CCDC178: variants seen among roughly 807,000 people sequenced by gnomAD.
CCDC178 encodes the protein coiled-coil domain containing 178.
Under a neutral mutation model 117.4 loss-of-function variants are expected in CCDC178, and 126 were observed. That is an observed-to-expected ratio of 1.07 (90% CI 0.93 to 1.24). CCDC178 has a LOEUF of 1.24. CCDC178 is among the 50% of genes most tolerant of loss of function. CCDC178 has a pLI of 0.00. For synonymous variants in CCDC178, 283 were observed against 313.4 expected (o/e 0.90, Z 1.02); for missense variants, 1,030 against 986.9 (o/e 1.04, Z -0.59).
chr18:33,296,572 T>G (rs534106161), intron 11 of CCDC178, among the ~76,000 whole-genome samples: 1 of 152,256 alleles, frequency 6.6e-6, no homozygotes, highest in African/African-American at 2.4e-5. Flanking sequence ...GAGTCTATAA[T>G]TATTTATGAA....
intron 22 of CCDC178, among the ~76,000 whole-genome samples, chr18:32,965,880 G>C (rs1290767819): frequency 1.3e-5 from 2 of 149,084 alleles, no homozygotes; most frequent in Middle Eastern, 3.5e-3. Flanking sequence ...TATGAAACTT[G>C]AAATATTTTC....
At chr18:33,029,397 T>A (rs1486675647) in intron 21 of CCDC178, among the ~76,000 whole-genome samples, 1 of 151,974 alleles carries the variant, frequency 6.6e-6, no homozygotes, top group Non-Finnish European at 1.5e-5. Flanking sequence ...TGCGTCTTTC[T>A]TATTTTATTG....
chr18:33,390,133 A>T (rs2063547016), intron 4 of CCDC178, among the ~76,000 whole-genome samples: 2 of 151,050 alleles, frequency 1.3e-5, no homozygotes, highest in Admixed American at 1.3e-4. Flanking sequence ...TAAATAAGAT[A>T]TGTAGGATTT....
chr18:33,116,070 A>C (rs2057852830), intron 20 of CCDC178, among the ~76,000 whole-genome samples: 1 of 152,090 alleles, frequency 6.6e-6, no homozygotes, highest in South Asian at 2.1e-4. Context: ...CACTGAGCTT[A>C]GCCGTCAAGG....
intron 20 of CCDC178, among the ~76,000 whole-genome samples, chr18:33,156,276 G>A (rs2144361400): frequency 1.3e-5 from 2 of 151,634 alleles, no homozygotes; most frequent in East Asian, 3.9e-4. Flanking sequence ...TTTTAGTGGA[G>A]TTGAGATTTC....
At chr18:33,110,682 C>T (rs2057768818) in intron 20 of CCDC178, among the ~76,000 whole-genome samples, 1 of 151,608 alleles carries the variant, frequency 6.6e-6, no homozygotes, top group Non-Finnish European at 1.5e-5. Flanking sequence ...TCTTTTTACA[C>T]TGTATTTTGG....
At chr18:33,370,800 T>C (rs1356812732) in intron 5 of CCDC178, among the ~76,000 whole-genome samples, 1 of 152,026 alleles carries the variant, frequency 6.6e-6, no homozygotes, top group East Asian at 1.9e-4. Flanking sequence ...GCTGTACTCA[T>C]CATAAAATCC....
At chr18:33,382,351 A>G (rs2063447295) in intron 5 of CCDC178, among the ~76,000 whole-genome samples, 2 of 152,194 alleles carry the variant, frequency 1.3e-5, no homozygotes, top group Admixed American at 1.3e-4. Flanking sequence ...ACAAGTCTTT[A>G]ATTCTGGAAC....
chr18:32,991,142 G>GA (rs11406372), intron 21 of CCDC178, among the ~76,000 whole-genome samples: 22,325 of 151,862 alleles, frequency 0.15, 2,364 homozygotes, highest in African/African-American at 0.3. Context: ...TTACAGACTG[G>GA]AAAAAAGATT....
chr18:33,387,948 T>C (rs936849371), intron 5 of CCDC178, among the ~76,000 whole-genome samples: 9 of 152,160 alleles, frequency 5.9e-5, no homozygotes, highest in Non-Finnish European at 1.0e-4. Flanking sequence ...GAGAAAATTT[T>C]TGCAATGTAT....
chr18:33,044,837 A>T (rs1169902709), intron 21 of CCDC178, among the ~76,000 whole-genome samples: 3 of 152,222 alleles, frequency 2.0e-5, no homozygotes, highest in African/African-American at 7.2e-5. Flanking sequence ...ACTACTACTC[A>T]GCCATTAAAA....
At chr18:33,126,956 C>T (rs2058012216) in intron 20 of CCDC178, among the ~76,000 whole-genome samples, 1 of 147,438 alleles carries the variant, frequency 6.8e-6, no homozygotes, top group South Asian at 2.1e-4. Flanking sequence ...TGCCTGGCTG[C>T]AACTACTGTA....
intron 21 of CCDC178, among the ~76,000 whole-genome samples, chr18:33,043,387 G>A (rs1442901538): frequency 1.3e-5 from 2 of 152,014 alleles, no homozygotes; most frequent in Non-Finnish European, 2.9e-5. Context: ...AAAAGCATGC[G>A]ATCTGGAACC....
chr18:33,286,233 C>T (rs2060097962), intron 12 of CCDC178, among the ~76,000 whole-genome samples: 1 of 152,042 alleles, frequency 6.6e-6, no homozygotes, highest in Non-Finnish European at 1.5e-5. Flanking sequence ...CCTTAGCCTC[C>T]CAAAGTGCTG....
chr18:33,239,759 T>C (rs1225490922), intron 15 of CCDC178, among the ~76,000 whole-genome samples: 1 of 151,954 alleles, frequency 6.6e-6, no homozygotes, highest in Admixed American at 6.6e-5. Context: ...ACATTAATAG[T>C]TGTGGATGTT....
chr18:32,942,190 G>A (rs1308299390), intron 22 of CCDC178, among the ~76,000 whole-genome samples: 1 of 152,078 alleles, frequency 6.6e-6, no homozygotes. Context: ...AAGTGATTAG[G>A]TATATTCAGT....
chr18:33,328,119 T>A, intron 10 of CCDC178: 1 of 316,038 alleles, frequency 3.2e-6, no homozygotes, highest in Non-Finnish European at 5.8e-6. Context: ...TTTTTTTTTT[T>A]TGAGACAGAG....
rs150016964 is a variant in CCDC178, at chr18:33,283,078, C to T, written c.1176+10081G>A. On this transcript the variant is annotated intron_variant, in intron 12 of 22. Coordinates refer to ENST00000383096, the MANE Select transcript of CCDC178 (RefSeq NM_001105528.4). Reference sequence around the variant, plus strand: ...TGAAAGCTAGCAGGGAGGCAGACACCCCTGCATCCACTAGCACTCTGCTGC... The same window carrying T: ...TGAAAGCTAGCAGGGAGGCAGACACTCCTGCATCCACTAGCACTCTGCTGC... Among the ~76,000 whole-genome samples, 106 of 152,262 alleles carry T rather than the reference C, an allele frequency of 7.0e-4. 1 individual carries two copies. Among genetic ancestry groups the T allele is most frequent in the African/African-American group, 2.4e-3 (100 of 41,542 alleles).
intron 9 of CCDC178, among the ~76,000 whole-genome samples, chr18:33,345,042 T>C (rs914581302): frequency 1.3e-5 from 2 of 152,234 alleles, no homozygotes; most frequent in East Asian, 3.9e-4. Context: ...CATAAAATTA[T>C]AACAAAAGTC....
Sources: gnomAD v4.1 joint callset for allele counts (sites outside exome capture counted in the v4.1 genomes callset) on GRCh38, gnomAD v4.1.1 for gene constraint, MANE v1.5 for transcripts, NCBI Gene and HGNC (gene_info 2026-07-23, HGNC 2026-07-21) for gene names.